The following STAG1 variants were observed in gnomAD, a reference collection of about 807,000 sequenced individuals.
The protein encoded by STAG1 is STAG1 cohesin complex component.
In STAG1, 26 loss-of-function variants were observed where a neutral mutation model predicts 170.9. The observed-to-expected ratio is 0.15, with a 90% CI of 0.11 to 0.21. The LOEUF (loss-of-function observed/expected upper bound fraction) is 0.21, where lower values mean the gene tolerates loss of function less well. STAG1 is among the 10% of genes least tolerant of loss of function. The pLI, the probability that STAG1 is intolerant of heterozygous loss-of-function variation, is 1.00. For synonymous variants in STAG1, 514 were observed against 497.7 expected, an observed-to-expected ratio of 1.03 and a Z score of -0.44; for missense variants, 964 against 1,509.5, an observed-to-expected ratio of 0.64 and a Z score of 5.99.
intron 22 of STAG1, among the ~76,000 whole-genome samples, chr3:136,378,204 G>GC (rs372727881): frequency 2.0e-3 from 304 of 152,306 alleles, no homozygotes; most frequent in African/African-American, 7.0e-3. Flanking sequence ...ACAGTGCCAT[G>GC]CCCTCAAATA....
chr3:136,638,004 G>T (rs1279890619), intron 1 of STAG1, among the ~76,000 whole-genome samples: 2 of 151,826 alleles, frequency 1.3e-5, no homozygotes, highest in African/African-American at 2.4e-5. Context: ...CCAACTCCTG[G>T]GCCCAAGTGA....
At chr3:136,595,667 A>G (rs1938388465) in intron 4 of STAG1, among the ~76,000 whole-genome samples, 1 of 144,394 alleles carries the variant, frequency 6.9e-6, no homozygotes. Context: ...ACAGAGCAAG[A>G]CTCCATCTCA....
At chr3:136,725,543 C>T (rs1009267190) in intron 1 of STAG1, among the ~76,000 whole-genome samples, 1 of 152,156 alleles carries the variant, frequency 6.6e-6, no homozygotes, top group South Asian at 2.1e-4. Flanking sequence ...TCTATGTTTT[C>T]TTGCAAAGCA....
chr3:136,692,688 T>C (rs2107899193), intron 1 of STAG1, among the ~76,000 whole-genome samples: 1 of 152,174 alleles, frequency 6.6e-6, no homozygotes, highest in South Asian at 2.1e-4. Flanking sequence ...GATATGAAAG[T>C]AAGGTGTTCT....
At chr3:136,744,157 G>A (rs962772755) in intron 1 of STAG1, among the ~76,000 whole-genome samples, 18 of 152,112 alleles carry the variant, frequency 1.2e-4, no homozygotes, top group African/African-American at 3.6e-4. Flanking sequence ...GAGAAACCCC[G>A]TCTCTACTAA....
Position 136,477,431 on chromosome 3 carries a change from G to A in STAG1, c.903-19C>T, listed in dbSNP as rs200153038. On this transcript the variant is annotated intron_variant, in intron 9 of 33. Coordinates refer to ENST00000383202, the MANE Select transcript of STAG1 (RefSeq NM_005862.3). ...AGCATCACTAGAGAGAGAAAAAAAAGACAATCTCAAATTAATATACAAAGC... is the reference window on the plus strand; with the variant it reads ...AGCATCACTAGAGAGAGAAAAAAAAAACAATCTCAAATTAATATACAAAGC... 1.3e-6 allele frequency: 2 copies of A among 1,582,876 alleles called. No homozygotes were observed. The highest frequency in any genetic ancestry group is 1.4e-5 in the African/African-American group (1 of 73,670).
At chr3:136,579,377 G>A (rs1937543877) in intron 4 of STAG1, among the ~76,000 whole-genome samples, 1 of 146,328 alleles carries the variant, frequency 6.8e-6, no homozygotes, top group Non-Finnish European at 1.5e-5. Flanking sequence ...GTGGATTCAG[G>A]AATCTGAACA....
At chr3:136,606,766 TTG>T (rs1491563070) in intron 3 of STAG1, among the ~76,000 whole-genome samples, 105 of 148,582 alleles carry the variant, frequency 7.1e-4, no homozygotes, top group African/African-American at 2.4e-3. Context: ...TTTTTTTTTT[TTG>T]GGGACGAAGT....
At chr3:136,646,188 T>C (rs1192193510) in intron 1 of STAG1, among the ~76,000 whole-genome samples, 1 of 152,148 alleles carries the variant, frequency 6.6e-6, no homozygotes, top group Non-Finnish European at 1.5e-5. Context: ...AATGATTACC[T>C]AAACCACTTT....
At position 136,737,246 on chromosome 3, in the gene STAG1, C is replaced by T. The variant is rs1934394364; in HGVS notation, c.-84+14949G>A. On this transcript the variant is annotated intron_variant, in intron 1 of 33. Transcript: ENST00000383202. ...GCCGCCACTTCCCCAGCCCAGCCAC[C>T]ACGTGACCCCCATGCCCAGTTAATT... 6 of 622,214 alleles carry T rather than the reference C, an allele frequency of 9.6e-6. No homozygotes were observed. In the Admixed American group the frequency reaches 1.2e-4, roughly 12 times the overall value. The allele number at this position is 622,214 out of a possible 1,614,324, so 38.5% of individuals were successfully genotyped here.
At position 136,371,247 on chromosome 3, in the gene STAG1, G is replaced by A. The variant is rs139816310; in HGVS notation, c.2371-1965C>T. 7.5e-4 allele frequency among the ~76,000 whole-genome samples: 114 copies of A among 152,186 alleles called. 2 individuals carry two copies. The East Asian group carries it at 0.021, about 28-fold the overall frequency. ...TCTGTCTGAGTTCATTGTAGATTCTGGATATTAGCCCTTTGTCAGATAAGT... is the reference window on the plus strand; with the variant it reads ...TCTGTCTGAGTTCATTGTAGATTCTAGATATTAGCCCTTTGTCAGATAAGT... On this transcript the variant is annotated intron_variant, in intron 23 of 33. Coordinates refer to ENST00000383202, the MANE Select transcript of STAG1 (RefSeq NM_005862.3).
chr3:136,546,436 G>C (rs751124941), intron 5 of STAG1, among the ~76,000 whole-genome samples: 1 of 152,042 alleles, frequency 6.6e-6, no homozygotes, highest in Non-Finnish European at 1.5e-5. Flanking sequence ...AAAGAAAATC[G>C]AGAACTCAGG....
intron 1 of STAG1, among the ~76,000 whole-genome samples, chr3:136,735,795 G>A (rs934102328): frequency 2.0e-5 from 3 of 152,140 alleles, no homozygotes; most frequent in African/African-American, 7.2e-5. Flanking sequence ...TCTGGGGGTG[G>A]TGGGAGGTAT....
At chr3:136,527,941 G>A (rs559288868) in intron 6 of STAG1, among the ~76,000 whole-genome samples, 8 of 152,190 alleles carry the variant, frequency 5.3e-5, no homozygotes, top group African/African-American at 1.2e-4. Context: ...ATTGTTCCTC[G>A]GGAAGCTTCA....
chr3:136,490,228 A>T (rs1276811635), intron 9 of STAG1, among the ~76,000 whole-genome samples: 1 of 151,758 alleles, frequency 6.6e-6, no homozygotes, highest in Non-Finnish European at 1.5e-5. Flanking sequence ...ATTAGTAGAG[A>T]CAGGGTTTCG....
intron 31 of STAG1, among the ~76,000 whole-genome samples, chr3:136,340,947 C>T (rs760230654): frequency 7.9e-5 from 12 of 152,130 alleles, no homozygotes; most frequent in African/African-American, 1.7e-4. Flanking sequence ...CTTGCTCTGT[C>T]GCTCAGGCTG....
At position 136,694,745 on chromosome 3, in the gene STAG1, G is replaced by C. The variant is rs1942830210; in HGVS notation, c.-84+57450C>G. ...GGTTTGAGCACAGAGTTCAGCTTTA[G>C]CTCAAGGGACACAGGAAATCTGGGG... is the stretch of plus-strand genomic sequence containing the variant. On this transcript the variant is annotated intron_variant, in intron 1 of 33. Transcript: ENST00000383202. Among the ~76,000 whole-genome samples the C allele has an allele frequency of 2.6e-5, 4 of 152,118 alleles. No individual in the cohort carries two copies. In the South Asian group the frequency reaches 8.3e-4, roughly 32 times the overall value.
At chr3:136,680,950 T>C (rs966098954) in intron 1 of STAG1, among the ~76,000 whole-genome samples, 2 of 149,838 alleles carry the variant, frequency 1.3e-5, no homozygotes, top group Non-Finnish European at 3.0e-5. Flanking sequence ...TAAAATGATG[T>C]AGTATTTGCA....
At chr3:136,428,872 C>T (rs1024432021) in intron 16 of STAG1, among the ~76,000 whole-genome samples, 3 of 152,182 alleles carry the variant, frequency 2.0e-5, no homozygotes, top group South Asian at 4.1e-4. Context: ...TGAGGGCTCA[C>T]GTCTGTAATC....
Sources: allele counts gnomAD v4.1 joint callset (sites outside exome capture counted in the v4.1 genomes callset), GRCh38; gene constraint gnomAD v4.1.1; transcripts MANE v1.5; gene names NCBI Gene and HGNC (gene_info 2026-07-23, HGNC 2026-07-21).